The following LMO7 variants were observed in gnomAD, a reference collection of about 807,000 sequenced individuals.
The protein encoded by LMO7 is LIM domain only protein 7.
A neutral mutation model predicts 206.5 loss-of-function variants in LMO7; 120 were observed. The ratio of observed to expected loss-of-function variants is 0.58; its 90% confidence interval spans 0.50 to 0.68. The LOEUF is 0.68. Ranked by LOEUF, LMO7 falls within the 30% of genes least tolerant of loss-of-function variation. LMO7 has a pLI of 0.00. For synonymous variants in LMO7, 706 were observed against 681.5 expected (o/e 1.04, Z -0.56); for missense variants, 1,959 against 1,957.9 (o/e 1.00, Z -0.01).
intron 1 of LMO7, among the ~76,000 whole-genome samples, chr13:75,641,430 T>C (rs2036518227): frequency 1.3e-5 from 2 of 152,188 alleles, no homozygotes; most frequent in African/African-American, 2.4e-5. Context: ...AAGTATACCA[T>C]TGTAGGAGTT....
chr13:75,654,423 A>T (rs1489139116), intron 1 of LMO7, among the ~76,000 whole-genome samples: 1 of 152,196 alleles, frequency 6.6e-6, no homozygotes, highest in African/African-American at 2.4e-5. Flanking sequence ...TTTTCAGCTG[A>T]CACGTCCCAC....
chr13:75,746,543 T>G (rs2046855328), intron 3 of LMO7, among the ~76,000 whole-genome samples: 1 of 152,256 alleles, frequency 6.6e-6, no homozygotes, highest in South Asian at 2.1e-4. Context: ...GAGCCAACAT[T>G]TATTTATACT....
chr13:75,667,550 G>A (rs1223181574), intron 1 of LMO7, among the ~76,000 whole-genome samples: 2 of 152,012 alleles, frequency 1.3e-5, no homozygotes, highest in Non-Finnish European at 2.9e-5. Context: ...AGTCTTATCT[G>A]GTGAAATTTT....
chr13:75,720,747 T>G (rs117052203), intron 2 of LMO7, among the ~76,000 whole-genome samples: 2,677 of 152,338 alleles, frequency 0.018, 35 homozygotes, highest in Middle Eastern at 0.044. Context: ...ACATTGGTAC[T>G]GACGTTGCTG....
intron 3 of LMO7, among the ~76,000 whole-genome samples, chr13:75,733,038 G>C (rs1326090206): frequency 2.6e-5 from 4 of 152,136 alleles, no homozygotes; most frequent in Non-Finnish European, 5.9e-5. Context: ...CCCCTACTGG[G>C]GGGTGCCTCC....
chr13:75,777,647 G>GT (rs3036339), intron 4 of LMO7, among the ~76,000 whole-genome samples: 67,352 of 131,730 alleles, frequency 0.51, 18,071 homozygotes, highest in East Asian at 0.82. Context: ...TTCTTTTCTT[G>GT]TTTTTTTTTT....
chr13:75,820,857 T>C (rs1471224197), intron 13 of LMO7, among the ~76,000 whole-genome samples: 1 of 151,782 alleles, frequency 6.6e-6, no homozygotes, highest in East Asian at 1.9e-4. Context: ...ATTAGCTGGG[T>C]GTGGTGGCGC....
chr13:75,720,265 T>C (rs1426102277), intron 2 of LMO7, among the ~76,000 whole-genome samples: 1 of 152,192 alleles, frequency 6.6e-6, no homozygotes, highest in African/African-American at 2.4e-5. Context: ...ACAAATATTT[T>C]CTCTCAGTCT....
At chr13:75,800,245 A>G (rs559184692) in intron 6 of LMO7, among the ~76,000 whole-genome samples, 2 of 152,354 alleles carry the variant, frequency 1.3e-5, no homozygotes, top group East Asian at 3.9e-4. Flanking sequence ...TAGAGTGAAT[A>G]TAATCTTGCT....
chr13:75,819,534 A>T lies in LMO7; in HGVS notation c.2206A>T (p.Arg736Trp), dbSNP rs755416511. 1 of 1,586,912 alleles carries T rather than the reference A, an allele frequency of 6.3e-7. No individual in the cohort carries two copies. Among genetic ancestry groups the T allele is most frequent in the Non-Finnish European group, 8.5e-7 (1 of 1,171,916 alleles). ...GACGTTTAAGGAAATGCTGCAGGAC[A>T]GGTAATAATGCTGAATGCACCTCGG... ...SKTFKEMLQD[R>W]ESQNQKSTVP... Residue 736 changes from arginine to tryptophan, a missense_variant and splice_region_variant, in exon 13 of 31, where the codon AGG (arginine) becomes TGG (tryptophan). By Grantham distance (101) the Arg-to-Trp change is moderately radical. Transcript: ENST00000377534.
intron 4 of LMO7, among the ~76,000 whole-genome samples, chr13:75,774,162 G>T (rs1051062919): frequency 6.6e-6 from 1 of 151,962 alleles, no homozygotes; most frequent in Admixed American, 6.6e-5. Context: ...ATGAACAGTT[G>T]AGTAACCATC....
rs551776372 is a variant in LMO7 at position 75,798,685 on chromosome 13, T to C, written c.462+1936T>C. On this transcript the variant is annotated intron_variant, in intron 6 of 30. Transcript: ENST00000377534. ...CAATGTGTTCATCAGGCATTTCCCA[T>C]TTAACCAGATAATGCTTAAAAGCTA... 7.0e-4 allele frequency among the ~76,000 whole-genome samples: 107 copies of C among 152,228 alleles called. 1 individual carries two copies. Among genetic ancestry groups the C allele is most frequent in the Non-Finnish European group, 1.2e-3 (83 of 68,034 alleles).
intron 20 of LMO7, among the ~76,000 whole-genome samples, chr13:75,839,528 T>G (rs1420129708): frequency 5.3e-5 from 8 of 152,194 alleles, no homozygotes; most frequent in Non-Finnish European, 1.2e-4. Flanking sequence ...TAAGTTTACA[T>G]ATGAAGTTTG....
intron 4 of LMO7, among the ~76,000 whole-genome samples, chr13:75,785,320 C>A (rs1317761339): frequency 6.6e-6 from 1 of 151,974 alleles, no homozygotes; most frequent in African/African-American, 2.4e-5. Context: ...CACATCAAAC[C>A]TTAATAGTTT....
chr13:75,760,320 G>T (rs2139671641), intron 3 of LMO7: 1 of 986,226 alleles, frequency 1.0e-6, no homozygotes, highest in Non-Finnish European at 1.2e-6. Flanking sequence ...TGAGTAATGT[G>T]CCACACAAAC....
At chr13:75,720,446 A>G (rs2043925922) in intron 2 of LMO7, among the ~76,000 whole-genome samples, 1 of 152,164 alleles carries the variant, frequency 6.6e-6, no homozygotes, top group African/African-American at 2.4e-5. Context: ...GTTTTCTTCT[A>G]GGAGTTTTAA....
Position 75,842,168 on chromosome 13 carries a change from A to G in LMO7, c.4031+185A>G, listed in dbSNP as rs1326256814. 3.3e-5 allele frequency among the ~76,000 whole-genome samples: 5 copies of G among 152,262 alleles called. No individual in the cohort carries two copies. The East Asian group carries it at 5.8e-4, about 18-fold the overall frequency. ...TTGCTTCACCACCCATAACACTCCA[A>G]GTCACTTCCTGTCACATCAGAACCC... On this transcript the variant is annotated intron_variant, in intron 24 of 30. Coordinates refer to ENST00000377534, the MANE Select transcript of LMO7 (RefSeq NM_001306080.2).
intron 2 of LMO7, among the ~76,000 whole-genome samples, chr13:75,629,291 C>T (rs1031022108): frequency 6.6e-6 from 1 of 152,162 alleles, no homozygotes; most frequent in African/African-American, 2.4e-5. Flanking sequence ...CATATACACA[C>T]TCCAGTTAAT....
intron 1 of LMO7, among the ~76,000 whole-genome samples, chr13:75,657,886 G>T (rs1214480388): frequency 6.6e-6 from 1 of 152,068 alleles, no homozygotes; most frequent in Non-Finnish European, 1.5e-5. Flanking sequence ...TCACAGTCAG[G>T]CATTCTTGTT....
Sources: gnomAD v4.1 joint callset for allele counts (sites outside exome capture counted in the v4.1 genomes callset) on GRCh38, gnomAD v4.1.1 for gene constraint, MANE v1.5 for transcripts, NCBI Gene and HGNC (gene_info 2026-07-23, HGNC 2026-07-21) for gene names.